The following NOTCH2 variants were observed in gnomAD, a reference collection of about 807,000 sequenced individuals.
NOTCH2 encodes the protein neurogenic locus notch homolog protein 2.
A neutral mutation model predicts 235.8 loss-of-function variants in NOTCH2; 29 were observed. The ratio of observed to expected loss-of-function variants is 0.12; its 90% CI spans 0.09 to 0.17. The LOEUF (loss-of-function observed/expected upper bound fraction) is 0.17. NOTCH2 is among the 10% of genes least tolerant of loss of function. NOTCH2 has a pLI of 1.00. For missense variants in NOTCH2, 2,285 were observed against 3,150.2 expected (o/e 0.73, Z 6.57); for synonymous variants, 1,086 against 1,141.5 (o/e 0.95, Z 0.98).
At chr1:119,971,451 G>C (rs1651358187) in intron 5 of NOTCH2, among the ~76,000 whole-genome samples, 1 of 152,220 alleles carries the variant, frequency 6.6e-6, no homozygotes, top group African/African-American at 2.4e-5. Flanking sequence ...CAAATTATTG[G>C]AGTAGGACCA....
intron 5 of NOTCH2, among the ~76,000 whole-genome samples, chr1:119,975,576 G>A (rs1484704277): frequency 6.6e-6 from 1 of 151,796 alleles, no homozygotes; most frequent in African/African-American, 2.4e-5. Flanking sequence ...AATCCAGGAG[G>A]CGGAGGTGGC....
chr1:120,037,976 T>C (rs1654380282), intron 1 of NOTCH2, among the ~76,000 whole-genome samples: 1 of 152,190 alleles, frequency 6.6e-6, no homozygotes, highest in Admixed American at 6.5e-5. Flanking sequence ...TCCAGTTAGC[T>C]GATAAATCTA....
intron 10 of NOTCH2, among the ~76,000 whole-genome samples, chr1:119,964,322 T>C (rs7552541): frequency 0.045 from 6,850 of 152,272 alleles, 482 homozygotes; most frequent in African/African-American, 0.15. Flanking sequence ...GAACCTGTTA[T>C]GAGAATTTAA....
chr1:119,945,698 AG>A (rs1570681049), intron 17 of NOTCH2, among the ~76,000 whole-genome samples: 2 of 152,102 alleles, frequency 1.3e-5, no homozygotes, highest in East Asian at 3.8e-4. Context: ...ACTTAAGATT[AG>A]AGTTTCAAAA....
rs587600980 is a variant in NOTCH2 at position 120,015,327 on chromosome 1, G to A, written c.156-9739C>T. Among the ~76,000 whole-genome samples, 6 of 152,290 alleles carry A rather than the reference G, an allele frequency of 3.9e-5. No individual in the cohort carries two copies. The South Asian group carries it at 1.2e-3, about 32-fold the overall frequency. ...GCCTCTTGGCCCCCCAATCCGCAGT[G>A]GCAGCCTGCCCTAGCTGAGCTCTAG... On this transcript the variant is annotated intron_variant, in intron 2 of 33. Coordinates refer to ENST00000256646, the MANE Select transcript of NOTCH2 (RefSeq NM_024408.4).
chr1:119,937,403 T>C lies in NOTCH2; in HGVS notation c.3401A>G (p.Tyr1134Cys). The change falls in exon 21 of 34, where the codon TAC (tyrosine) becomes TGC (cysteine). Residue 1134 changes from tyrosine to cysteine, a missense_variant. This residue lies in a region of NOTCH2 where 1,173 missense variants were observed against 1,515.3 expected (regional missense o/e 0.77). Coordinates refer to ENST00000256646, the MANE Select transcript of NOTCH2 (RefSeq NM_024408.4). ...AGTATAGCCCAGGGGGCACTGACAGTAATGCGTGTTGCCAGCATTGATGCA... is the reference window on the plus strand; with the variant it reads ...AGTATAGCCCAGGGGGCACTGACAGCAATGCGTGTTGCCAGCATTGATGCA... ...GVCINAGNTH[Y>C]CQCPLGYTGS... is the part of the protein sequence containing the mutation. The C allele has an allele frequency of 6.2e-7, 1 of 1,614,118 alleles. No individual in the cohort carries two copies. The highest frequency in any genetic ancestry group is 1.1e-5 in the South Asian group (1 of 91,072).
intron 12 of NOTCH2, among the ~76,000 whole-genome samples, chr1:119,955,821 T>C (rs374443595): frequency 1.3e-5 from 2 of 152,356 alleles, no homozygotes; most frequent in South Asian, 2.1e-4. Flanking sequence ...TATAATTTTG[T>C]TGTCTTCTGA....
At chr1:120,014,991 C>CT (rs60671945) in intron 2 of NOTCH2, among the ~76,000 whole-genome samples, 35 of 126,392 alleles carry the variant, frequency 2.8e-4, no homozygotes, top group African/African-American at 6.9e-4. Flanking sequence ...CTGTCTTTAG[C>CT]TTTTTTTTTT....
At chr1:119,977,884 A>G (rs1027524161) in intron 5 of NOTCH2, among the ~76,000 whole-genome samples, 2 of 152,164 alleles carry the variant, frequency 1.3e-5, no homozygotes, top group African/African-American at 2.4e-5. Context: ...ATACACACAC[A>G]CGCACACAAA....
intron 30 of NOTCH2, 57 bp downstream of exon 30, chr1:119,920,172 A>G (rs1241051783): frequency 1.1e-5 from 18 of 1,601,048 alleles, no homozygotes; most frequent in Admixed American, 8.4e-5. Context: ...AGGGACAACA[A>G]TGTGGAACCA....
At chr1:119,937,818 C>T (rs889971730) in intron 20 of NOTCH2, 39 bp downstream of exon 20, 1 of 1,611,122 alleles carries the variant, frequency 6.2e-7, no homozygotes, top group Non-Finnish European at 8.5e-7. Context: ...ACAGTCAATA[C>T]TGCAGTGAAT....
At chr1:120,023,286 A>T (rs1265571794) in intron 2 of NOTCH2, among the ~76,000 whole-genome samples, 3 of 150,786 alleles carry the variant, frequency 2.0e-5, no homozygotes, top group Admixed American at 6.6e-5. Flanking sequence ...AAATACAAAA[A>T]ATTAGCCGGG....
At chr1:119,981,098 G>A (rs782089692) in intron 5 of NOTCH2, among the ~76,000 whole-genome samples, 1 of 151,908 alleles carries the variant, frequency 6.6e-6, no homozygotes, top group Admixed American at 6.6e-5. Context: ...TGAGCTCCTG[G>A]GTCTTACTGC....
chr1:119,965,918 T>C (rs1194955682), intron 9 of NOTCH2, among the ~76,000 whole-genome samples: 2 of 152,162 alleles, frequency 1.3e-5, no homozygotes, highest in African/African-American at 4.8e-5. Flanking sequence ...GAGGACAATT[T>C]GGCATATCTT....
In NOTCH2 at chr1:119,955,077, G is replaced by A; in HGVS notation, c.2182C>T (p.Pro728Ser). 6.2e-7 allele frequency: 1 copy of A among 1,614,088 alleles called. No homozygotes were observed. Among genetic ancestry groups the A allele is most frequent in the African/African-American group, 1.3e-5 (1 of 75,040 alleles). Reference sequence around the variant, plus strand: ...CCAGTACAGTTTCCATGGATGCAGGGATTGCTCAGGCATTCGTTCACCTGT... The same window carrying A: ...CCAGTACAGTTTCCATGGATGCAGGAATTGCTCAGGCATTCGTTCACCTGT... ...YSQVNECLSN[P>S]CIHGNCTGGL... Residue 728 changes from proline to serine, a missense_variant, in exon 13 of 34, where the codon CCC becomes TCC. Pro to Ser is a moderately conservative substitution (Grantham distance 74, BLOSUM62 -1). Transcript: ENST00000256646.
chr1:119,981,194 T>TGG (rs781814594), intron 5 of NOTCH2, among the ~76,000 whole-genome samples: 1 of 152,152 alleles, frequency 6.6e-6, no homozygotes, highest in Non-Finnish European at 1.5e-5. Context: ...TTCCCATCCA[T>TGG]TACTCAGACT....
chr1:119,937,503 A>T, intron 20 of NOTCH2, 37 bp from the exon 21 acceptor site: 1 of 1,576,456 alleles, frequency 6.3e-7, no homozygotes, highest in Non-Finnish European at 8.7e-7. Flanking sequence ...TCATAGAAGA[A>T]CATGTGACAC....
At chr1:119,946,816 A>G (rs1476759700) in intron 17 of NOTCH2, among the ~76,000 whole-genome samples, 1 of 152,084 alleles carries the variant, frequency 6.6e-6, no homozygotes, top group East Asian at 1.9e-4. Flanking sequence ...TCTTAGTACA[A>G]TAATACTAAA....
chr1:120,000,523 A>C, intron 3 of NOTCH2, among the ~76,000 whole-genome samples: 1 of 123,296 alleles, frequency 8.1e-6, no homozygotes, highest in Non-Finnish European at 1.6e-5. Context: ...ACAAAGCAAT[A>C]CTCCATCTCA....
Sources: gnomAD v4.1 joint callset for allele counts (sites outside exome capture counted in the v4.1 genomes callset) on GRCh38, gnomAD v4.1.1 for gene constraint, gnomAD v4.1.1 regional missense constraint, MANE v1.5 for transcripts, NCBI Gene and HGNC (gene_info 2026-07-23, HGNC 2026-07-21) for gene names.